Variants in ZNF407 observed in about 807,000 individuals in gnomAD.
ZNF407 encodes the protein zinc finger protein 407.
In ZNF407, 17 loss-of-function variants were observed where a neutral mutation model predicts 131.2. The observed-to-expected ratio is 0.13, with a 90% CI of 0.09 to 0.19. The LOEUF is 0.19. Among genes scored for constraint, ZNF407 ranks in the 10% least tolerant of loss-of-function variants. The pLI, the probability that ZNF407 is intolerant of heterozygous loss-of-function variation, is 1.00. For missense variants in ZNF407, 2,681 were observed against 2,830.6 expected, an observed-to-expected ratio of 0.95 and a Z score of 1.20; for synonymous variants, 1,156 against 1,062.0, an observed-to-expected ratio of 1.09 and a Z score of -1.72.
At chr18:74,829,853 T>C (rs1970458644) in intron 4 of ZNF407, among the ~76,000 whole-genome samples, 1 of 152,096 alleles carries the variant, frequency 6.6e-6, no homozygotes, top group Admixed American at 6.5e-5. Flanking sequence ...ATTTAAAAAT[T>C]GCGGTGAATT....
intron 4 of ZNF407, among the ~76,000 whole-genome samples, chr18:74,843,006 G>A (rs1303421572): frequency 6.6e-6 from 1 of 152,104 alleles, no homozygotes; most frequent in Non-Finnish European, 1.5e-5. Flanking sequence ...ATGAGCCACC[G>A]TGCCTGGCCC....
chr18:74,697,682 G>GA (rs1022856635), intron 3 of ZNF407, among the ~76,000 whole-genome samples: 4 of 151,694 alleles, frequency 2.6e-5, no homozygotes, highest in Non-Finnish European at 5.9e-5. Context: ...AGCACATCTT[G>GA]AAAAAAACCT....
At chr18:74,779,851 G>T (rs557396044) in intron 3 of ZNF407, among the ~76,000 whole-genome samples, 1 of 151,686 alleles carries the variant, frequency 6.6e-6, no homozygotes, top group South Asian at 2.1e-4. Flanking sequence ...TGCAGCTTTG[G>T]GTTTTTAACC....
At chr18:74,857,188 G>A (rs570182298) in intron 4 of ZNF407, among the ~76,000 whole-genome samples, 1 of 152,286 alleles carries the variant, frequency 6.6e-6, no homozygotes, top group Non-Finnish European at 1.5e-5. Context: ...TACACCAGCA[G>A]CAATGACTAT....
intron 4 of ZNF407, among the ~76,000 whole-genome samples, chr18:74,839,224 G>A (rs2145129021): frequency 6.6e-6 from 1 of 152,246 alleles, no homozygotes; most frequent in South Asian, 2.1e-4. Context: ...AATTGCCATT[G>A]TACATTCAAA....
intron 1 of ZNF407, among the ~76,000 whole-genome samples, chr18:74,629,272 C>T (rs184636778): frequency 2.0e-5 from 3 of 152,188 alleles, no homozygotes; most frequent in East Asian, 1.9e-4. Context: ...ATGGTATCTC[C>T]TTGTGGGTTT....
chr18:74,905,718 A>G (rs931996041), intron 7 of ZNF407: 8 of 152,236 alleles, frequency 5.3e-5, no homozygotes, highest in Admixed American at 2.6e-4. Context: ...CAAAGAATTT[A>G]GATTTATGAA....
intron 4 of ZNF407, among the ~76,000 whole-genome samples, chr18:74,794,810 C>T (rs1324962026): frequency 6.6e-6 from 1 of 152,068 alleles, no homozygotes; most frequent in African/African-American, 2.4e-5. Context: ...GGTAGAGTTG[C>T]ATACGATGCT....
chr18:74,658,205 C>T lies in ZNF407; in HGVS notation c.4802+17083C>T, dbSNP rs181699434. Among the ~76,000 whole-genome samples the T allele has an allele frequency of 8.7e-4, 132 of 152,086 alleles. 1 individual carries two copies. Among genetic ancestry groups the T allele is most frequent in the African/African-American group, 3.0e-3 (123 of 41,468 alleles). Reference sequence around the variant, plus strand: ...TCAGCTCACTGCAACCTCCGCCTCCCGGGTTCCGGTTCAAGCAATTCTCCT... The same window carrying T: ...TCAGCTCACTGCAACCTCCGCCTCCTGGGTTCCGGTTCAAGCAATTCTCCT... On this transcript the variant is annotated intron_variant, in intron 3 of 8. Transcript: ENST00000299687.
Position 74,633,549 on chromosome 18 carries a change from C to A in ZNF407, c.2530C>A (p.Pro844Thr). The change falls in exon 2 of 9, where the codon CCT becomes ACT. Residue 844 changes from proline to threonine, a missense_variant. By Grantham distance (38) the Pro-to-Thr change is conservative. Coordinates refer to ENST00000299687, the MANE Select transcript of ZNF407 (RefSeq NM_017757.3). ...ASTTTPKRGR[P>T]KGNISRTCSH... ...AACCACTACTCCAAAGAGAGGGAGA[C>A]CTAAAGGTAACATCTCACGGACGTG... is the stretch of plus-strand genomic sequence containing the variant. The A allele has an allele frequency of 6.2e-7, 1 of 1,613,828 alleles. No individual in the cohort carries two copies. Among genetic ancestry groups the A allele is most frequent in the Non-Finnish European group, 8.5e-7 (1 of 1,179,854 alleles).
intron 8 of ZNF407, among the ~76,000 whole-genome samples, chr18:74,982,467 G>A (rs911559637): frequency 2.6e-5 from 4 of 152,152 alleles, no homozygotes; most frequent in Non-Finnish European, 5.9e-5. Context: ...TCTGTAATTA[G>A]CATTTTCCAG....
intron 3 of ZNF407, among the ~76,000 whole-genome samples, chr18:74,677,252 G>A (rs1321346973): frequency 2.6e-5 from 4 of 152,074 alleles, no homozygotes; most frequent in Admixed American, 6.5e-5. Context: ...CTGCACACCA[G>A]GTTAATTTCT....
chr18:74,863,086 A>G (rs1284871351), intron 4 of ZNF407, among the ~76,000 whole-genome samples: 3 of 151,564 alleles, frequency 2.0e-5, no homozygotes, highest in Admixed American at 6.6e-5. Context: ...ACGCCCGGCT[A>G]TTTTTTATAT....
intron 1 of ZNF407, among the ~76,000 whole-genome samples, chr18:74,600,016 A>G (rs112528863): frequency 6.8e-4 from 103 of 152,360 alleles, no homozygotes; most frequent in Admixed American, 9.1e-4. Context: ...CATTTACCGC[A>G]TGCTTGCTTT....
intron 8 of ZNF407, among the ~76,000 whole-genome samples, chr18:75,043,070 G>A (rs1599308832): frequency 1.3e-5 from 2 of 152,314 alleles, no homozygotes; most frequent in South Asian, 4.1e-4. Context: ...ATGGGATGAT[G>A]TGGTGAGAAA....
chr18:74,722,200 T>A (rs1968054550), intron 3 of ZNF407, among the ~76,000 whole-genome samples: 1 of 152,214 alleles, frequency 6.6e-6, no homozygotes, highest in Non-Finnish European at 1.5e-5. Context: ...TAATTTTTTT[T>A]CTCTACTGCT....
intron 8 of ZNF407, among the ~76,000 whole-genome samples, chr18:75,060,846 TCACAC>T (rs1310816194): frequency 6.6e-6 from 1 of 152,240 alleles, no homozygotes; most frequent in Non-Finnish European, 1.5e-5. Flanking sequence ...TTTCTAAGAT[TCACAC>T]TTTACAGAGT....
chr18:74,793,863 A>G (rs1000668206), intron 4 of ZNF407, among the ~76,000 whole-genome samples: 1 of 152,182 alleles, frequency 6.6e-6, no homozygotes, highest in Admixed American at 6.5e-5. Context: ...TACTCTTTGT[A>G]GATGAGAGCA....
intron 6 of ZNF407, among the ~76,000 whole-genome samples, chr18:74,889,274 GTGTC>G (rs34738627): frequency 7.9e-5 from 12 of 151,332 alleles, no homozygotes; most frequent in Admixed American, 1.3e-4. Flanking sequence ...CTGCGTAGCT[GTGTC>G]TGTCTGTCTG....
Sources: allele counts gnomAD v4.1 joint callset (sites outside exome capture counted in the v4.1 genomes callset), GRCh38; gene constraint gnomAD v4.1.1; transcripts MANE v1.5; gene names NCBI Gene and HGNC (gene_info 2026-07-23, HGNC 2026-07-21).